The following DCC variants were observed in gnomAD, a reference collection of about 807,000 sequenced individuals.
The protein encoded by DCC is netrin receptor DCC.
In DCC, 58 loss-of-function variants were observed where a neutral mutation model predicts 172.5. That is an observed-to-expected ratio of 0.34 (90% CI 0.27 to 0.42). DCC has a LOEUF of 0.42. DCC is among the 10% of genes least tolerant of loss of function. DCC has a pLI of 1.00. For missense variants in DCC, 1,740 were observed against 1,791.0 expected (o/e 0.97, Z 0.51); for synonymous variants, 709 against 644.5 (o/e 1.10, Z -1.52).
intron 1 of DCC, among the ~76,000 whole-genome samples, chr18:52,567,564 A>G (rs1175826965): frequency 6.6e-6 from 1 of 152,188 alleles, no homozygotes; most frequent in Non-Finnish European, 1.5e-5. Context: ...TCTCAGAAAC[A>G]GAAAGACAAA....
chr18:52,421,604 C>T (rs1702390252), intron 1 of DCC, among the ~76,000 whole-genome samples: 1 of 152,212 alleles, frequency 6.6e-6, no homozygotes, highest in Admixed American at 6.5e-5. Context: ...TTTCTTGAAG[C>T]TCACTTCCAC....
intron 1 of DCC, among the ~76,000 whole-genome samples, chr18:52,737,900 C>T (rs866894230): frequency 2.5e-4 from 38 of 152,220 alleles, no homozygotes; most frequent in Admixed American, 1.5e-3. Context: ...GATGGCAGCT[C>T]GGAGCTTTGA....
At chr18:53,403,722 C>T (rs962759473) in intron 19 of DCC, among the ~76,000 whole-genome samples, 2 of 151,784 alleles carry the variant, frequency 1.3e-5, no homozygotes, top group East Asian at 3.9e-4. Flanking sequence ...TTTTTGCATA[C>T]AAGAGCTGGA....
At chr18:52,391,816 A>G (rs1010907168) in intron 1 of DCC, among the ~76,000 whole-genome samples, 4 of 152,120 alleles carry the variant, frequency 2.6e-5, no homozygotes, top group African/African-American at 9.7e-5. Context: ...CTGGAAATAT[A>G]CTTAACCTGC....
chr18:52,902,338 G>A (rs2039821926), intron 2 of DCC, among the ~76,000 whole-genome samples: 1 of 152,192 alleles, frequency 6.6e-6, no homozygotes, highest in African/African-American at 2.4e-5. Context: ...TTTTGACTAT[G>A]TTTGGAATGC....
At chr18:52,837,472 T>G (rs766428482) in intron 2 of DCC, among the ~76,000 whole-genome samples, 1 of 152,196 alleles carries the variant, frequency 6.6e-6, no homozygotes, top group Non-Finnish European at 1.5e-5. Flanking sequence ...TCCACAGATC[T>G]CTAGGGCAGG....
At chr18:53,084,601 A>G (rs2042853019) in intron 7 of DCC, among the ~76,000 whole-genome samples, 1 of 152,136 alleles carries the variant, frequency 6.6e-6, no homozygotes, top group African/African-American at 2.4e-5. Context: ...ACTGGTTCCC[A>G]GCTTTGAAGA....
chr18:53,443,366 C>A (rs1400090804), intron 22 of DCC, among the ~76,000 whole-genome samples: 1 of 152,210 alleles, frequency 6.6e-6, no homozygotes, highest in Non-Finnish European at 1.5e-5. Context: ...GTCTGGTTAA[C>A]TACACACCTG....
intron 1 of DCC, among the ~76,000 whole-genome samples, chr18:52,609,902 G>A (rs1356052833): frequency 6.6e-6 from 1 of 151,784 alleles, no homozygotes; most frequent in Non-Finnish European, 1.5e-5. Context: ...TATAAGGTAG[G>A]AGTGACAGCC....
intron 1 of DCC, among the ~76,000 whole-genome samples, chr18:52,362,208 G>A (rs144076110): frequency 2.4e-4 from 36 of 152,304 alleles, no homozygotes; most frequent in African/African-American, 8.2e-4. Context: ...CAGACATCTG[G>A]CCATTCCCAT....
intron 12 of DCC, among the ~76,000 whole-genome samples, chr18:53,218,592 GT>G (rs1162118211): frequency 6.6e-6 from 1 of 152,032 alleles, no homozygotes; most frequent in Non-Finnish European, 1.5e-5. Flanking sequence ...ATGAACACAA[GT>G]TTTTTGTTGT....
intron 1 of DCC, among the ~76,000 whole-genome samples, chr18:52,491,551 C>T (rs1333111381): frequency 6.6e-6 from 1 of 152,000 alleles, no homozygotes; most frequent in Non-Finnish European, 1.5e-5. Flanking sequence ...TCCAGATACT[C>T]CCAGAGAATG....
intron 1 of DCC, among the ~76,000 whole-genome samples, chr18:52,352,490 C>A (rs2144247740): frequency 6.6e-6 from 1 of 152,312 alleles, no homozygotes; most frequent in African/African-American, 2.4e-5. Context: ...TCAAACTTGG[C>A]AGCGTATGAC....
rs80126346 is a variant in DCC at position 53,235,802 on chromosome 18, G to A, written c.1911+20205G>A. ...CGTTCCCCTCTTCCCTAAGAAACTG[G>A]TAACCACTATTCTACTTTCTGTCTC... On this transcript the variant is annotated intron_variant, in intron 12 of 28. Transcript: ENST00000442544. 1.6e-3 allele frequency among the ~76,000 whole-genome samples: 244 copies of A among 152,062 alleles called. 1 individual carries two copies. The highest frequency in any genetic ancestry group is 4.8e-3 in the Admixed American group (74 of 15,258).
chr18:52,356,769 T>C (rs924713674), intron 1 of DCC, among the ~76,000 whole-genome samples: 1 of 140,426 alleles, frequency 7.1e-6, no homozygotes, highest in Non-Finnish European at 1.5e-5. Flanking sequence ...TTACCTGTTC[T>C]GGCTGGAAAA....
chr18:52,787,405 T>C (rs1449655288), intron 2 of DCC, among the ~76,000 whole-genome samples: 1 of 151,910 alleles, frequency 6.6e-6, no homozygotes, highest in East Asian at 1.9e-4. Flanking sequence ...GTGACAAAGT[T>C]TCCAGGGTAG....
intron 15 of DCC, among the ~76,000 whole-genome samples, chr18:53,351,294 T>TATAA (rs1238227317): frequency 1.3e-4 from 1 of 7,692 alleles, no homozygotes; most frequent in African/African-American, 3.7e-4. Flanking sequence ...GAGTACAGTA[T>TATAA]ATATATATAT....
chr18:52,975,847 G>T (rs1474318722), intron 5 of DCC, among the ~76,000 whole-genome samples: 2 of 152,130 alleles, frequency 1.3e-5, no homozygotes, highest in African/African-American at 4.8e-5. Flanking sequence ...ATAATATAAT[G>T]ATTTTTATTT....
At chr18:52,677,896 A>G (rs1599011465) in intron 1 of DCC, among the ~76,000 whole-genome samples, 2 of 152,158 alleles carry the variant, frequency 1.3e-5, no homozygotes, top group African/African-American at 4.8e-5. Flanking sequence ...AACAGCAATT[A>G]TTTCAGTAGC....
Sources: gnomAD v4.1 joint callset for allele counts (sites outside exome capture counted in the v4.1 genomes callset) on GRCh38, gnomAD v4.1.1 for gene constraint, MANE v1.5 for transcripts, NCBI Gene and HGNC (gene_info 2026-07-23, HGNC 2026-07-21) for gene names.